The following PRKG1 variants were observed in gnomAD, a reference collection of about 807,000 sequenced individuals.
The protein encoded by PRKG1 is cGMP-dependent protein kinase 1.
A neutral mutation model predicts 88.1 loss-of-function variants in PRKG1; 35 were observed. That is an observed-to-expected ratio of 0.40 (90% CI 0.30 to 0.53). The LOEUF is 0.53. PRKG1 is among the 20% of genes least tolerant of loss of function. The pLI, the probability that PRKG1 is intolerant of heterozygous loss-of-function variation, is 0.59. For synonymous variants in PRKG1, 303 were observed against 292.5 expected, an observed-to-expected ratio of 1.04 and a Z score of -0.37; for missense variants, 540 against 839.8, an observed-to-expected ratio of 0.64 and a Z score of 4.41.
At chr10:51,175,630 A>G (rs1387110199) in intron 2 of PRKG1, among the ~76,000 whole-genome samples, 1 of 152,054 alleles carries the variant, frequency 6.6e-6, no homozygotes, top group Non-Finnish European at 1.5e-5. Context: ...TGAGATATAT[A>G]TTTAAAAGTA....
chr10:51,284,987 T>C (rs36118039), intron 2 of PRKG1, among the ~76,000 whole-genome samples: 8,568 of 142,490 alleles, frequency 0.06, 1,055 homozygotes, highest in African/African-American at 0.22. Context: ...GCTGGTGCGC[T>C]GCACCCACTA....
At chr10:51,210,058 G>C (rs1270607949) in intron 2 of PRKG1, among the ~76,000 whole-genome samples, 1 of 152,062 alleles carries the variant, frequency 6.6e-6, no homozygotes, top group African/African-American at 2.4e-5. Context: ...GTAGTTAATA[G>C]TTGGAAGTAA....
chr10:52,248,351 A>C (rs1020506345), intron 9 of PRKG1, among the ~76,000 whole-genome samples: 1 of 152,178 alleles, frequency 6.6e-6, no homozygotes, highest in Non-Finnish European at 1.5e-5. Flanking sequence ...GCAAACTAAG[A>C]TTTCTTGAGT....
At chr10:51,407,852 A>C (rs999576742) in intron 2 of PRKG1, among the ~76,000 whole-genome samples, 2 of 152,156 alleles carry the variant, frequency 1.3e-5, no homozygotes, top group Non-Finnish European at 2.9e-5. Context: ...GACTGATTTC[A>C]TCTTGATAGT....
chr10:51,864,067 T>A (rs1443389566), intron 4 of PRKG1, among the ~76,000 whole-genome samples: 1 of 152,164 alleles, frequency 6.6e-6, no homozygotes, highest in African/African-American at 2.4e-5. Context: ...ACTGCCCCAG[T>A]TTTCCTGGGA....
intron 4 of PRKG1, among the ~76,000 whole-genome samples, chr10:51,906,649 T>G (rs1327221334): frequency 4.4e-4 from 67 of 152,102 alleles, no homozygotes; most frequent in Non-Finnish European, 8.1e-4. Flanking sequence ...AGGTTCTTAT[T>G]ATGCAGATGA....
intron 3 of PRKG1, among the ~76,000 whole-genome samples, chr10:51,595,976 G>A (rs926095809): frequency 6.6e-5 from 10 of 151,878 alleles, no homozygotes; most frequent in Non-Finnish European, 1.3e-4. Flanking sequence ...GCTTACAGGC[G>A]CCTGCCACCA....
chr10:51,947,486 G>T (rs540525960), intron 5 of PRKG1, among the ~76,000 whole-genome samples: 2 of 152,126 alleles, frequency 1.3e-5, no homozygotes, highest in South Asian at 2.1e-4. Context: ...TCCGCCCACT[G>T]TCTGGCACTC....
At chr10:51,160,329 A>G (rs1363910141) in intron 2 of PRKG1, among the ~76,000 whole-genome samples, 2 of 152,114 alleles carry the variant, frequency 1.3e-5, no homozygotes, top group African/African-American at 4.8e-5. Flanking sequence ...ACTTTCTGCT[A>G]TTGATGGTAT....
At chr10:52,107,931 G>A (rs1254463510) in intron 7 of PRKG1, among the ~76,000 whole-genome samples, 1 of 152,186 alleles carries the variant, frequency 6.6e-6, no homozygotes, top group Admixed American at 6.5e-5. Flanking sequence ...TGCCAACATG[G>A]TAAAATGTGT....
chr10:51,218,491 A>ATATATATATATAT, intron 2 of PRKG1, among the ~76,000 whole-genome samples: 1 of 19,054 alleles, frequency 5.2e-5, no homozygotes, highest in Non-Finnish European at 1.0e-4. Context: ...ATCTATCTTC[A>ATATATATATATAT]TATATATATA....
intron 1 of PRKG1, among the ~76,000 whole-genome samples, chr10:51,058,200 C>G (rs1843654138): frequency 6.6e-6 from 1 of 152,040 alleles, no homozygotes; most frequent in Admixed American, 6.5e-5. Flanking sequence ...GGTTGTGTGT[C>G]TTGACTTATG....
intron 7 of PRKG1, among the ~76,000 whole-genome samples, chr10:52,101,200 C>T (rs1459911675): frequency 1.3e-5 from 2 of 152,120 alleles, no homozygotes; most frequent in Non-Finnish European, 2.9e-5. Context: ...CTGTTGAACT[C>T]CTGTCTTATT....
chr10:52,064,755 G>A (rs1846317614), intron 7 of PRKG1, among the ~76,000 whole-genome samples: 1 of 152,118 alleles, frequency 6.6e-6, no homozygotes, highest in African/African-American at 2.4e-5. Flanking sequence ...GAAGGGGTGG[G>A]GGTCCCTCCT....
chr10:51,619,711 C>A (rs1355956780), intron 3 of PRKG1, among the ~76,000 whole-genome samples: 16 of 152,290 alleles, frequency 1.1e-4, no homozygotes, highest in Non-Finnish European at 2.9e-5. Context: ...CATATCTCTC[C>A]AATCACGTTT....
chr10:51,515,444 G>T (rs61849817), intron 3 of PRKG1, among the ~76,000 whole-genome samples: 7,496 of 152,228 alleles, frequency 0.049, 303 homozygotes, highest in Middle Eastern at 0.12. Flanking sequence ...TCATGGTTGT[G>T]TCTAGTAGTA....
chr10:51,939,300 A>G (rs924982150), intron 5 of PRKG1, among the ~76,000 whole-genome samples: 2 of 152,090 alleles, frequency 1.3e-5, no homozygotes, highest in African/African-American at 2.4e-5. Flanking sequence ...TGTAGAAAAT[A>G]TGTCACATAC....
intron 3 of PRKG1, among the ~76,000 whole-genome samples, chr10:51,771,464 G>A (rs1838303416): frequency 6.6e-6 from 1 of 152,092 alleles, no homozygotes; most frequent in African/African-American, 2.4e-5. Flanking sequence ...GCATTTTCAT[G>A]TTTTACTGAC....
chr10:51,324,657 CG>C (rs374903713), intron 2 of PRKG1, among the ~76,000 whole-genome samples: 12 of 151,772 alleles, frequency 7.9e-5, no homozygotes, highest in African/African-American at 2.9e-4. Context: ...AGGACAATGG[CG>C]TGAACCTGGG....
Sources: allele counts gnomAD v4.1 joint callset (sites outside exome capture counted in the v4.1 genomes callset), GRCh38; gene constraint gnomAD v4.1.1; transcripts MANE v1.5; gene names NCBI Gene and HGNC (gene_info 2026-07-23, HGNC 2026-07-21).